Variants in OXSR1 observed in about 807,000 individuals in gnomAD.
The protein encoded by OXSR1 is oxidative stress responsive kinase 1, also known as serine/threonine-protein kinase OSR1.
In OXSR1, 24 loss-of-function variants were observed where a neutral mutation model predicts 79.8. The observed-to-expected ratio is 0.30, with a 90% CI of 0.22 to 0.42. The LOEUF (loss-of-function observed/expected upper bound fraction) is 0.42. Among genes scored for constraint, OXSR1 ranks in the 10% least tolerant of loss-of-function variants. The pLI, the probability that OXSR1 is intolerant of heterozygous loss-of-function variation, is 1.00. For synonymous variants in OXSR1, 226 were observed against 209.2 expected (o/e 1.08, Z -0.69); for missense variants, 430 against 618.4 (o/e 0.70, Z 3.23).
chr3:38,183,827 C>G (rs1701831282), intron 2 of OXSR1, among the ~76,000 whole-genome samples: 1 of 151,972 alleles, frequency 6.6e-6, no homozygotes, highest in Non-Finnish European at 1.5e-5. Flanking sequence ...ATTGTGCTAC[C>G]CAGAATAGTT....
At chr3:38,188,448 A>G (rs1701923663) in intron 2 of OXSR1, among the ~76,000 whole-genome samples, 2 of 152,186 alleles carry the variant, frequency 1.3e-5, no homozygotes, top group Admixed American at 1.3e-4. Context: ...AACTTGCGCT[A>G]ATATTAATAT....
At chr3:38,240,306 A>G (rs1020408648) in intron 11 of OXSR1, among the ~76,000 whole-genome samples, 1 of 152,176 alleles carries the variant, frequency 6.6e-6, no homozygotes, top group Non-Finnish European at 1.5e-5. Flanking sequence ...AAATGTCTCA[A>G]TGTTCTTGGG....
chr3:38,187,355 T>TA (rs1559504584), intron 2 of OXSR1, among the ~76,000 whole-genome samples: 1 of 152,224 alleles, frequency 6.6e-6, no homozygotes, highest in Non-Finnish European at 1.5e-5. Flanking sequence ...ATCGAGACTC[T>TA]AAATTCAGGC....
At chr3:38,168,075 G>A (rs1701502430) in intron 1 of OXSR1, among the ~76,000 whole-genome samples, 1 of 152,104 alleles carries the variant, frequency 6.6e-6, no homozygotes, top group African/African-American at 2.4e-5. Flanking sequence ...TGGGCAAAAG[G>A]GAGTCTCTCA....
rs965015710 is a variant in OXSR1 at position 38,215,445 on chromosome 3, A to G, written c.435-651A>G. ...TGCCAAAAACTTGTTTTTGCTAAAAAAAAACTAAGTTGTAGATTTGAATGG... is the reference window on the plus strand; with the variant it reads ...TGCCAAAAACTTGTTTTTGCTAAAAGAAAACTAAGTTGTAGATTTGAATGG... On this transcript the variant is annotated intron_variant, in intron 4 of 17. Transcript: ENST00000311806. Among the ~76,000 whole-genome samples, 4 of 152,200 alleles carry G rather than the reference A, an allele frequency of 2.6e-5. No individual in the cohort carries two copies. The South Asian group carries it at 8.3e-4, about 31-fold the overall frequency.
chr3:38,245,965 T>C, intron 12 of OXSR1, 110 bp from the exon 13 acceptor site: 1 of 916,486 alleles, frequency 1.1e-6, no homozygotes, highest in Non-Finnish European at 1.8e-6. Flanking sequence ...ACCTGTACAC[T>C]ACCCAAAAAC....
chr3:38,215,873 G>GT (rs1191206583), intron 4 of OXSR1, among the ~76,000 whole-genome samples: 1 of 152,046 alleles, frequency 6.6e-6, no homozygotes, highest in East Asian at 1.9e-4. Context: ...GATCACTTGT[G>GT]TTTTCTAGAT....
At chr3:38,228,802 G>T (rs576618523) in intron 8 of OXSR1, among the ~76,000 whole-genome samples, 36 of 152,270 alleles carry the variant, frequency 2.4e-4, no homozygotes, top group African/African-American at 7.5e-4. Context: ...TTGAACTCCT[G>T]ATATCGTGAT....
chr3:38,169,337 G>C (rs527637997), intron 1 of OXSR1, among the ~76,000 whole-genome samples: 1 of 151,234 alleles, frequency 6.6e-6, no homozygotes, highest in East Asian at 1.9e-4. Flanking sequence ...ATGGAGTCTT[G>C]CTCTGTTGCC....
At chr3:38,228,391 T>A (rs1374696054) in intron 8 of OXSR1, among the ~76,000 whole-genome samples, 1 of 152,252 alleles carries the variant, frequency 6.6e-6, no homozygotes, top group Non-Finnish European at 1.5e-5. Flanking sequence ...ATGTAGGATT[T>A]CAGTTTGCAT....
chr3:38,190,504 T>C (rs1212562423), intron 2 of OXSR1, among the ~76,000 whole-genome samples: 3 of 152,098 alleles, frequency 2.0e-5, no homozygotes, highest in Non-Finnish European at 4.4e-5. Context: ...ATAGTGTGCT[T>C]CTAGTTTGAA....
At chr3:38,226,380 A>C (rs1702689005) in intron 8 of OXSR1, among the ~76,000 whole-genome samples, 1 of 152,124 alleles carries the variant, frequency 6.6e-6, no homozygotes, top group Non-Finnish European at 1.5e-5. Flanking sequence ...ACAAGAGAAG[A>C]CTGTGACTAT....
At chr3:38,186,378 C>G (rs1701886413) in intron 2 of OXSR1, among the ~76,000 whole-genome samples, 1 of 151,994 alleles carries the variant, frequency 6.6e-6, no homozygotes, top group Admixed American at 6.6e-5. Context: ...ATATATAATG[C>G]TATGGTTTTT....
intron 2 of OXSR1, among the ~76,000 whole-genome samples, chr3:38,185,660 C>T (rs1241757861): frequency 1.4e-5 from 2 of 147,462 alleles, no homozygotes; most frequent in East Asian, 2.1e-4. Flanking sequence ...TAAGAACCTG[C>T]TGCTAGGGGT....
chr3:38,230,816 A>G (rs1702789557), intron 10 of OXSR1: 1 of 177,014 alleles, frequency 5.6e-6, no homozygotes, highest in Admixed American at 6.0e-5. Context: ...GAACTTTATT[A>G]CGCATATGTA....
At chr3:38,217,788 A>G (rs1242317840) in intron 5 of OXSR1, among the ~76,000 whole-genome samples, 1 of 151,716 alleles carries the variant, frequency 6.6e-6, no homozygotes, top group Non-Finnish European at 1.5e-5. Flanking sequence ...TCCACCTCTC[A>G]CCCCAGCCAT....
intron 4 of OXSR1, among the ~76,000 whole-genome samples, chr3:38,199,435 C>T (rs1440165253): frequency 6.6e-6 from 1 of 151,950 alleles, no homozygotes; most frequent in Non-Finnish European, 1.5e-5. Context: ...GCTATGTTGC[C>T]CAGGCTGTCC....
At chr3:38,210,277 C>T (rs148662038) in intron 4 of OXSR1, among the ~76,000 whole-genome samples, 4 of 152,102 alleles carry the variant, frequency 2.6e-5, no homozygotes, top group Non-Finnish European at 4.4e-5. Context: ...CAGTTCCCCC[C>T]CAAGGTGAGA....
At chr3:38,221,525 C>T in intron 5 of OXSR1, 53 bp from the exon 6 acceptor site, 1 of 918,498 alleles carries the variant, frequency 1.1e-6, no homozygotes, top group South Asian at 1.4e-5. Flanking sequence ...TTTTCCTATT[C>T]ATTTATGATA....
Sources: allele counts gnomAD v4.1 joint callset (sites outside exome capture counted in the v4.1 genomes callset), GRCh38; gene constraint gnomAD v4.1.1; transcripts MANE v1.5; gene names NCBI Gene and HGNC (gene_info 2026-07-23, HGNC 2026-07-21).